Variants in MARCHF10 observed in about 807,000 individuals in gnomAD.
The protein encoded by MARCHF10 is membrane associated ring-CH-type finger 10, also known as probable E3 ubiquitin-protein ligase MARCHF10.
MARCHF10 carries 64 observed loss-of-function variants against 76.2 expected under a neutral mutation model. The ratio of observed to expected loss-of-function variants is 0.84; its 90% confidence interval spans 0.69 to 1.03. The LOEUF is 1.03. Ranked by LOEUF, MARCHF10 falls within the 50% of genes least tolerant of loss-of-function variation. The probability of loss-of-function intolerance (pLI) is 0.00; values close to 1 mark genes in which losing one functional copy is unlikely to be tolerated. For missense variants in MARCHF10, 875 were observed against 958.0 expected (o/e 0.91, Z 1.14); for synonymous variants, 340 against 357.5 (o/e 0.95, Z 0.55).
At chr17:62,781,761 G>A (rs1568202068) in intron 3 of MARCHF10, among the ~76,000 whole-genome samples, 3 of 152,172 alleles carry the variant, frequency 2.0e-5, no homozygotes, top group African/African-American at 2.4e-5. Flanking sequence ...TGCCTCGTTC[G>A]TTCCAGGCTC....
At position 62,744,365 on chromosome 17, in the gene MARCHF10, C is replaced by T. The variant is rs760288475; in HGVS notation, c.535+11G>A. ...TCCAAGGACAAAGGTTCGGGAGCCC[C>T]GGGTCCTTACCTGCTCCCCTGGGAA... On this transcript the variant is annotated intron_variant, in intron 5 of 10. Transcript: ENST00000311269. The T allele has an allele frequency of 2.5e-5, 41 of 1,610,634 alleles. No homozygotes were observed. Among genetic ancestry groups the T allele is most frequent in the East Asian group, 2.0e-4 (9 of 44,866 alleles).
intron 10 of MARCHF10, 166 bp downstream of exon 10, chr17:62,705,373 T>A: frequency 1.3e-6 from 2 of 1,528,786 alleles, no homozygotes; most frequent in Non-Finnish European, 1.8e-6. Context: ...TGGCCTCGCC[T>A]TCCTGATTGT....
intron 10 of MARCHF10, 107 bp from the exon 11 acceptor site, chr17:62,701,865 C>T (rs1263474146): frequency 2.8e-6 from 4 of 1,433,812 alleles, no homozygotes; most frequent in East Asian, 2.3e-5. Flanking sequence ...ATCCCTGAGG[C>T]CCAGCCACCC....
At chr17:62,795,992 C>T (rs1007889625) in intron 2 of MARCHF10, among the ~76,000 whole-genome samples, 2 of 151,786 alleles carry the variant, frequency 1.3e-5, no homozygotes, top group Non-Finnish European at 2.9e-5. Flanking sequence ...GGGTCACTAA[C>T]GTCATGCAAT....
chr17:62,711,123 A>G lies in MARCHF10; in HGVS notation c.2328+108T>C. 1 of 833,974 alleles carries G rather than the reference A, an allele frequency of 1.2e-6. No homozygotes were observed. The highest frequency in any genetic ancestry group is 1.5e-5 in the South Asian group (1 of 66,946). The allele number at this position is 833,974 out of a possible 1,614,324, so 51.7% of individuals were successfully genotyped here. A position where few individuals can be genotyped will look rare whatever the true frequency, so the allele number is the denominator to read the frequency against. On this transcript the variant is annotated intron_variant, in intron 9 of 10. Coordinates refer to ENST00000311269, the MANE Select transcript of MARCHF10 (RefSeq NM_152598.4). This position sits in a 1 kb window ranked among gnomAD's most constrained non-coding sequence, Gnocchi z 4.4. ...TTAGTCCTAACAATGATAGTCCCAT[A>G]TCCTCCCAAGCGACCGTGAGGACCT... is the stretch of plus-strand genomic sequence containing the variant.
chr17:62,723,774 G>A (rs2090616605), intron 7 of MARCHF10, among the ~76,000 whole-genome samples: 2 of 151,938 alleles, frequency 1.3e-5, no homozygotes, highest in African/African-American at 4.8e-5. Context: ...GCATGGCAGA[G>A]TCGTTAGCAA....
chr17:62,801,146 G>GT (rs1568232087), intron 2 of MARCHF10, among the ~76,000 whole-genome samples: 1 of 151,652 alleles, frequency 6.6e-6, no homozygotes, highest in Non-Finnish European at 1.5e-5. Context: ...CATTATCCTC[G>GT]TTTTTTTGTT....
chr17:62,746,293 A>G (rs1369782830), intron 4 of MARCHF10, among the ~76,000 whole-genome samples: 1 of 152,158 alleles, frequency 6.6e-6, no homozygotes, highest in Non-Finnish European at 1.5e-5. Context: ...TGTCGGAGCA[A>G]CTTGGGGCAA....
chr17:62,778,603 G>A (rs143489167), intron 3 of MARCHF10, among the ~76,000 whole-genome samples: 59 of 149,690 alleles, frequency 3.9e-4, no homozygotes, highest in African/African-American at 1.3e-3. Context: ...CATGGCGCAC[G>A]CCTGTAGTCC....
chr17:62,743,772 A>G (rs2091601728), intron 5 of MARCHF10, among the ~76,000 whole-genome samples: 1 of 152,222 alleles, frequency 6.6e-6, no homozygotes, highest in Non-Finnish European at 1.5e-5. Flanking sequence ...GATGCTTTCC[A>G]TGAGTTCCAA....
intron 9 of MARCHF10, among the ~76,000 whole-genome samples, chr17:62,708,477 C>T (rs1309468480): frequency 6.6e-6 from 1 of 152,138 alleles, no homozygotes; most frequent in African/African-American, 2.4e-5. Flanking sequence ...ATCTCCTGAC[C>T]TTGTGATCCA....
chr17:62,785,455 C>T (rs550157089), intron 3 of MARCHF10, among the ~76,000 whole-genome samples: 20 of 152,268 alleles, frequency 1.3e-4, no homozygotes, highest in Non-Finnish European at 2.4e-4. Flanking sequence ...CCATTTAGGA[C>T]ATAGGCATGG....
chr17:62,740,517 G>T lies in MARCHF10; in HGVS notation c.536-3185C>A, dbSNP rs184886989. 5.3e-5 allele frequency among the ~76,000 whole-genome samples: 8 copies of T among 152,226 alleles called. No individual in the cohort carries two copies. The East Asian group carries it at 5.8e-4, about 11-fold the overall frequency. ...TTTGGAAACTATAGAAGAAGATGAAGAATAAAATAAAAATCCCCCATAATC... is the reference window on the plus strand; with the variant it reads ...TTTGGAAACTATAGAAGAAGATGAATAATAAAATAAAAATCCCCCATAATC... On this transcript the variant is annotated intron_variant, in intron 5 of 10. Transcript: ENST00000311269.
At chr17:62,718,287 A>G (rs2090320937) in intron 8 of MARCHF10, among the ~76,000 whole-genome samples, 1 of 152,198 alleles carries the variant, frequency 6.6e-6, no homozygotes, top group Non-Finnish European at 1.5e-5. Flanking sequence ...CAAAGCTGGT[A>G]GGCTTTTCAG....
chr17:62,773,581 T>C (rs188635580), intron 3 of MARCHF10, among the ~76,000 whole-genome samples: 1,628 of 152,078 alleles, frequency 0.011, 15 homozygotes, highest in Non-Finnish European at 0.015. Context: ...TAAATGCGGA[T>C]GGGAAGGCTC....
In MARCHF10 at chr17:62,739,700, T is replaced by C. The variant is rs2091434865; in HGVS notation, c.536-2368A>G. ...CCGGCCGGCTGATGACTTTTTGTTT[T>C]GAATTTGTTGGAGGGCCTTGGAGGT... On this transcript the variant is annotated intron_variant, in intron 5 of 10. Transcript: ENST00000311269. 2.6e-5 allele frequency among the ~76,000 whole-genome samples: 4 copies of C among 152,088 alleles called. No individual in the cohort carries two copies. In the South Asian group the frequency reaches 8.3e-4, roughly 32 times the overall value.
rs375379110 is a variant in MARCHF10 at position 62,713,767 on chromosome 17, CTT to C, written c.2215-2425_2215-2424del. Among the ~76,000 whole-genome samples the C allele has an allele frequency of 8.7e-4, 133 of 152,262 alleles. 2 individuals are homozygous for C. In the South Asian group the frequency reaches 0.026, roughly 30 times the overall value. On this transcript the variant is annotated intron_variant, in intron 8 of 10. Coordinates refer to ENST00000311269, the MANE Select transcript of MARCHF10 (RefSeq NM_152598.4). Reference sequence around the variant, plus strand: ...CCTTCCTTGTCCCAATCACATCACACTTTGACTCCCACGTGGAGTTCCCTTTG... The same window carrying C: ...CCTTCCTTGTCCCAATCACATCACACTGACTCCCACGTGGAGTTCCCTTTG...
intron 8 of MARCHF10, among the ~76,000 whole-genome samples, chr17:62,719,084 A>G (rs2090359077): frequency 6.6e-6 from 1 of 152,188 alleles, no homozygotes; most frequent in African/African-American, 2.4e-5. Flanking sequence ...ACGTTGGCCA[A>G]AAAAAGGTCT....
intron 5 of MARCHF10, among the ~76,000 whole-genome samples, chr17:62,743,686 T>C (rs2091598261): frequency 6.6e-6 from 1 of 152,258 alleles, no homozygotes; most frequent in Admixed American, 6.5e-5. Flanking sequence ...ACTGTGTTCA[T>C]TGGTCATGAC....
Sources: gnomAD v4.1 joint callset for allele counts (sites outside exome capture counted in the v4.1 genomes callset) on GRCh38, gnomAD v4.1.1 for gene constraint, Gnocchi (gnomAD v3.1) non-coding constraint, MANE v1.5 for transcripts, NCBI Gene and HGNC (gene_info 2026-07-23, HGNC 2026-07-21) for gene names.